Variants in SYT9 observed in about 807,000 individuals in gnomAD.
SYT9 encodes synaptotagmin 9.
Under a neutral mutation model 48.4 loss-of-function variants are expected in SYT9, and 22 were observed. The observed-to-expected ratio is 0.45, with a 90% CI of 0.32 to 0.65. The LOEUF is 0.65. Ranked by LOEUF, SYT9 falls within the 30% of genes least tolerant of loss-of-function variation. SYT9 has a pLI of 0.03. For missense variants in SYT9, 577 were observed against 622.0 expected (o/e 0.93, Z 0.77); for synonymous variants, 265 against 245.0 (o/e 1.08, Z -0.76).
chr11:7,448,433 A>G (rs957530230), intron 6 of SYT9, among the ~76,000 whole-genome samples: 1 of 152,232 alleles, frequency 6.6e-6, no homozygotes, highest in African/African-American at 2.4e-5. Context: ...CAGGGCTCCA[A>G]ATCCCTGCTG....
At chr11:7,397,097 C>T (rs757080856) in intron 3 of SYT9, among the ~76,000 whole-genome samples, 3 of 152,104 alleles carry the variant, frequency 2.0e-5, no homozygotes, top group Non-Finnish European at 4.4e-5. Context: ...ACATTTTCTC[C>T]TATGTTTTCT....
intron 6 of SYT9, chr11:7,441,381 A>G (rs1847826874): frequency 6.6e-6 from 1 of 152,224 alleles, no homozygotes; most frequent in South Asian, 2.1e-4. Flanking sequence ...GGTTAAAGAC[A>G]AAGTGAAAAC....
intron 6 of SYT9, among the ~76,000 whole-genome samples, chr11:7,459,408 G>A (rs968667385): frequency 1.3e-5 from 2 of 152,176 alleles, no homozygotes; most frequent in African/African-American, 4.8e-5. Flanking sequence ...AAGAGAAACC[G>A]ATAGACTGAG....
chr11:7,415,940 A>G, intron 3 of SYT9, 102 bp from the exon 4 acceptor site: 4 of 1,421,620 alleles, frequency 2.8e-6, no homozygotes, highest in Non-Finnish European at 3.9e-6. Flanking sequence ...CAAGCTGAGC[A>G]AAAGGGGCAG....
At chr11:7,337,898 C>G (rs1423629385) in intron 3 of SYT9, among the ~76,000 whole-genome samples, 1 of 152,182 alleles carries the variant, frequency 6.6e-6, no homozygotes, top group Non-Finnish European at 1.5e-5. Context: ...GGAGGATTCC[C>G]TCCTCCACAG....
At chr11:7,395,770 G>T (rs900645563) in intron 3 of SYT9, among the ~76,000 whole-genome samples, 35 of 147,106 alleles carry the variant, frequency 2.4e-4, no homozygotes, top group Middle Eastern at 7.0e-3. Flanking sequence ...ACAGCAAAAA[G>T]TGGCTTTTGT....
chr11:7,295,748 T>C (rs1848792072), intron 1 of SYT9, among the ~76,000 whole-genome samples: 2 of 152,242 alleles, frequency 1.3e-5, no homozygotes, highest in Non-Finnish European at 2.9e-5. Flanking sequence ...AAGGCCTCTC[T>C]GAACTCCATG....
intron 1 of SYT9, among the ~76,000 whole-genome samples, chr11:7,294,197 C>T (rs1013965557): frequency 6.6e-6 from 1 of 152,178 alleles, no homozygotes; most frequent in Non-Finnish European, 1.5e-5. Context: ...AAGGCTCCAC[C>T]TCCTAATACC....
At chr11:7,427,296 CTATT>C (rs1454608812) in intron 6 of SYT9, 27 of 152,182 alleles carry the variant, frequency 1.8e-4, no homozygotes, top group African/African-American at 6.0e-4. Flanking sequence ...TACCTTTTCT[CTATT>C]TAGGAGAAGA....
At chr11:7,267,710 AT>A (rs1265427839) in intron 1 of SYT9, among the ~76,000 whole-genome samples, 1 of 152,010 alleles carries the variant, frequency 6.6e-6, no homozygotes, top group African/African-American at 2.4e-5. Flanking sequence ...AGAAAAAAAA[AT>A]AAGAGCAAAG....
At chr11:7,431,467 G>A (rs540859558) in intron 6 of SYT9, among the ~76,000 whole-genome samples, 23 of 152,364 alleles carry the variant, frequency 1.5e-4, no homozygotes, top group South Asian at 8.3e-4. Flanking sequence ...AGCTTTTCAA[G>A]ACAGAAATTC....
chr11:7,257,841 G>A (rs1848003007), intron 1 of SYT9, among the ~76,000 whole-genome samples: 1 of 152,060 alleles, frequency 6.6e-6, no homozygotes, highest in African/African-American at 2.4e-5. Context: ...TCATCTCTGC[G>A]GGACTCCTCT....
intron 6 of SYT9, among the ~76,000 whole-genome samples, chr11:7,464,062 A>G (rs1848283934): frequency 6.6e-6 from 1 of 152,202 alleles, no homozygotes; most frequent in African/African-American, 2.4e-5. Context: ...GTGGTCCCTA[A>G]GGCTGGGTAC....
At chr11:7,281,500 C>T (rs773854495) in intron 1 of SYT9, among the ~76,000 whole-genome samples, 5 of 152,206 alleles carry the variant, frequency 3.3e-5, no homozygotes, top group Admixed American at 1.3e-4. Flanking sequence ...TTTACATTTC[C>T]ACTTCCTTTC....
chr11:7,251,121 C>CAA (rs1564835898), upstream of SYT9, among the ~76,000 whole-genome samples: 184 of 150,632 alleles, frequency 1.2e-3, no homozygotes, highest in African/African-American at 3.9e-3. Flanking sequence ...CACACACACA[C>CAA]ACACACACAC....
intron 6 of SYT9, among the ~76,000 whole-genome samples, chr11:7,422,934 T>C (rs1198872285): frequency 2.6e-5 from 4 of 152,178 alleles, no homozygotes; most frequent in African/African-American, 4.8e-5. Context: ...CCCCAAACAC[T>C]CAGCTTTTTG....
chr11:7,468,193 G>A lies in SYT9; in HGVS notation c.*1393G>A, dbSNP rs1848364094. 2.5e-6 allele frequency: 1 copy of A among 398,320 alleles called. No homozygotes were observed. The highest frequency in any genetic ancestry group is 4.4e-6 in the Non-Finnish European group (1 of 225,956). 24.7% of individuals were successfully genotyped at this position (398,320 alleles called of 1,614,324 possible). A position where few individuals can be genotyped will look rare whatever the true frequency, so the allele number is the denominator to read the frequency against. On this transcript the variant is annotated 3_prime_UTR_variant, in exon 7 of 7. Coordinates refer to ENST00000318881, the MANE Select transcript of SYT9 (RefSeq NM_175733.4). ...GAGTTGGATTGTAGTTTACCTTCCT[G>A]GAAAGCTCATTATCTCTGTTTGAAT...
At chr11:7,384,709 A>G (rs944411755) in intron 3 of SYT9, among the ~76,000 whole-genome samples, 3 of 152,072 alleles carry the variant, frequency 2.0e-5, no homozygotes, top group Admixed American at 6.6e-5. Context: ...CTACTTTTCT[A>G]CTTCAATCTT....
At chr11:7,297,525 G>A (rs918300280) in intron 1 of SYT9, among the ~76,000 whole-genome samples, 2 of 152,102 alleles carry the variant, frequency 1.3e-5, no homozygotes, top group Non-Finnish European at 2.9e-5. Flanking sequence ...TTGTCAATGT[G>A]TCTTAGTTGT....
Sources: gnomAD v4.1 joint callset for allele counts (sites outside exome capture counted in the v4.1 genomes callset) on GRCh38, gnomAD v4.1.1 for gene constraint, MANE v1.5 for transcripts, NCBI Gene and HGNC (gene_info 2026-07-23, HGNC 2026-07-21) for gene names.